The following SLC18A1 variants were observed in gnomAD, a reference collection of about 807,000 sequenced individuals.
SLC18A1 encodes the protein chromaffin granule amine transporter.
In SLC18A1, 69 loss-of-function variants were observed where a neutral mutation model predicts 53.7. The ratio of observed to expected loss-of-function variants is 1.28; its 90% CI spans 1.06 to 1.57. The LOEUF (loss-of-function observed/expected upper bound fraction) is 1.57, where lower values mean the gene tolerates loss of function less well. SLC18A1 is among the 40% of genes most tolerant of loss of function. SLC18A1 has a pLI of 0.00. For missense variants in SLC18A1, 932 were observed against 668.1 expected (o/e 1.40, Z -4.35); for synonymous variants, 320 against 248.1 (o/e 1.29, Z -2.72).
At chr8:20,180,108 T>TTGTG (rs112531759) in intron 2 of SLC18A1, among the ~76,000 whole-genome samples, 8,922 of 146,036 alleles carry the variant, frequency 0.061, 536 homozygotes, top group African/African-American at 0.15. Flanking sequence ...AAGATTATAA[T>TTGTG]TGTGTGTGTG....
chr8:20,153,970 C>G lies in SLC18A1; in HGVS notation c.1016-3226G>C, dbSNP rs11985004. ...GGTGTTTGGGTCATGGGAATGAATC[C>G]CTCGTGAATGGCGTGGTGCTGTCCC... On this transcript the variant is annotated intron_variant, in intron 10 of 15. Coordinates refer to ENST00000276373, the MANE Select transcript of SLC18A1 (RefSeq NM_003053.4). Among the ~76,000 whole-genome samples, 1,061 of 152,116 alleles carry G rather than the reference C, an allele frequency of 7.0e-3. 15 individuals are homozygous for G. The highest frequency in any genetic ancestry group is 0.024 in the African/African-American group (1,015 of 41,494).
chr8:20,169,871 T>C (rs1188254408), intron 8 of SLC18A1, among the ~76,000 whole-genome samples: 2 of 152,156 alleles, frequency 1.3e-5, no homozygotes, highest in Non-Finnish European at 2.9e-5. Context: ...AGAGCAAGAC[T>C]CCGTCTCAAA....
intron 10 of SLC18A1, among the ~76,000 whole-genome samples, chr8:20,154,897 G>A (rs2071644564): frequency 6.6e-6 from 1 of 152,098 alleles, no homozygotes; most frequent in Non-Finnish European, 1.5e-5. Context: ...CTCCAGATCT[G>A]GCAGGGTGTC....
At chr8:20,150,815 A>G in intron 10 of SLC18A1, 71 bp from the exon 11 acceptor site, 1 of 1,338,552 alleles carries the variant, frequency 7.5e-7, no homozygotes, top group South Asian at 1.2e-5. Context: ...CTCGTACAAG[A>G]CACTGAAGTC....
At position 20,148,002 on chromosome 8, in the gene SLC18A1, C is replaced by T; in HGVS notation, c.1210+5G>A. On this transcript the variant is annotated splice_donor_5th_base_variant and intron_variant, in intron 13 of 15. Coordinates refer to ENST00000276373, the MANE Select transcript of SLC18A1 (RefSeq NM_003053.4). ...CTTATTGTTTTCTTTGAGGGCACTT[C>T]TTACCTATGGCAAGGCCAAGCCCTG... 1 of 1,613,998 alleles carries T rather than the reference C, an allele frequency of 6.2e-7. No homozygotes were observed. Among genetic ancestry groups the T allele is most frequent in the Non-Finnish European group, 8.5e-7 (1 of 1,179,948 alleles).
intron 10 of SLC18A1, among the ~76,000 whole-genome samples, chr8:20,163,254 C>G (rs1021589082): frequency 6.6e-6 from 1 of 152,102 alleles, no homozygotes; most frequent in Non-Finnish European, 1.5e-5. Flanking sequence ...TGATAATGGC[C>G]TTAATCCATT....
At chr8:20,174,578 C>T in intron 4 of SLC18A1, 134 bp from the exon 5 acceptor site, 1 of 631,694 alleles carries the variant, frequency 1.6e-6, no homozygotes, top group Non-Finnish European at 2.9e-6. Flanking sequence ...GATGACTGTT[C>T]CCTGTTTTTT....
intron 1 of SLC18A1, among the ~76,000 whole-genome samples, chr8:20,182,379 C>G (rs191826906): frequency 2.0e-3 from 308 of 152,210 alleles, no homozygotes; most frequent in African/African-American, 7.2e-3. Flanking sequence ...ACAGAAAATA[C>G]TATTACTATA....
At chr8:20,156,208 A>G (rs1379175854) in intron 10 of SLC18A1, among the ~76,000 whole-genome samples, 2 of 151,990 alleles carry the variant, frequency 1.3e-5, no homozygotes, top group Non-Finnish European at 2.9e-5. Flanking sequence ...TAACTTTTAG[A>G]GGAAACCTCA....
intron 10 of SLC18A1, among the ~76,000 whole-genome samples, chr8:20,161,368 ACAG>A (rs2071826119): frequency 1.3e-5 from 2 of 152,330 alleles, no homozygotes; most frequent in Admixed American, 1.3e-4. Flanking sequence ...AATAAAAATA[ACAG>A]TACAAGATAA....
At chr8:20,152,753 G>A (rs903856128) in intron 10 of SLC18A1, among the ~76,000 whole-genome samples, 1 of 152,196 alleles carries the variant, frequency 6.6e-6, no homozygotes, top group Non-Finnish European at 1.5e-5. Flanking sequence ...AGCCTTGGGG[G>A]ACTCCTATCT....
rs532050568 is a variant in SLC18A1 at position 20,174,178 on chromosome 8, G to T, written c.631+183C>A. On this transcript the variant is annotated intron_variant, in intron 5 of 15. Transcript: ENST00000276373. ...TCCTCCTGCCTTGGCTTCCCAAAGTGCAGGGGTTACAGGTGTGAGCCACTG... is the reference window on the plus strand; with the variant it reads ...TCCTCCTGCCTTGGCTTCCCAAAGTTCAGGGGTTACAGGTGTGAGCCACTG... 5.9e-5 allele frequency among the ~76,000 whole-genome samples: 9 copies of T among 152,168 alleles called. No homozygotes were observed. In the South Asian group the frequency reaches 1.9e-3, roughly 32 times the overall value.
intron 1 of SLC18A1, among the ~76,000 whole-genome samples, chr8:20,182,210 C>G (rs1351608338): frequency 1.3e-5 from 2 of 152,096 alleles, no homozygotes; most frequent in African/African-American, 4.8e-5. Flanking sequence ...CTACAAGGAA[C>G]CCATCCTACA....
At chr8:20,179,991 A>C (rs1466188627) in intron 2 of SLC18A1, among the ~76,000 whole-genome samples, 1 of 152,106 alleles carries the variant, frequency 6.6e-6, no homozygotes, top group Non-Finnish European at 1.5e-5. Flanking sequence ...TTGAATCCCA[A>C]CTCTGGCACC....
At chr8:20,152,898 G>C (rs1187811978) in intron 10 of SLC18A1, among the ~76,000 whole-genome samples, 3 of 152,166 alleles carry the variant, frequency 2.0e-5, no homozygotes, top group African/African-American at 7.2e-5. Flanking sequence ...TAATTAAAGA[G>C]AAGACTGGGA....
At position 20,150,719 on chromosome 8, in the gene SLC18A1, C is replaced by G; in HGVS notation, c.1041G>C (p.Val347=). The change falls in exon 11 of 16, where the codon GTG becomes GTC. Residue 347 remains valine, a synonymous_variant. Transcript: ENST00000276373. Reference sequence around the variant, plus strand: ...AGAGGTTGGTGCCAATGAGGTAGGACACACTGGCAGGCAAGAAAGCTAGAC... The same window carrying G: ...AGAGGTTGGTGCCAATGAGGTAGGAGACACTGGCAGGCAAGAAAGCTAGAC... ...QLGLAFLPAS[V]SYLIGTNLFG... 1 of 1,614,152 alleles carries G rather than the reference C, an allele frequency of 6.2e-7. No individual in the cohort carries two copies. The highest frequency in any genetic ancestry group is 8.5e-7 in the Non-Finnish European group (1 of 1,180,008).
rs748908867 is a variant in SLC18A1 at position 20,148,045 on chromosome 8, C to A, written c.1172G>T (p.Gly391Val). Residue 391 changes from glycine (G) to valine (V), a missense_variant, in exon 13 of 16, where the codon GGT (glycine) becomes GTT (valine). By Grantham distance (109) the Gly-to-Val change is moderately radical (BLOSUM62 -3). Transcript: ENST00000276373. The stretch of plus-strand genomic sequence containing the variant: ...AAGCCCTGCATTGGGGCCAATGAGA[C>A]CAAAAATATTGTGAGCCAGAGGAAC... ...LCVPLAHNIF[G>V]LIGPNAGLGL... 1.2e-6 allele frequency: 2 copies of A among 1,614,042 alleles called. No homozygotes were observed. The highest frequency in any genetic ancestry group is 4.5e-5 in the East Asian group (2 of 44,876).
At chr8:20,153,645 C>T (rs756417601) in intron 10 of SLC18A1, among the ~76,000 whole-genome samples, 2 of 149,544 alleles carry the variant, frequency 1.3e-5, no homozygotes, top group Non-Finnish European at 3.0e-5. Context: ...CCAGCCTGGG[C>T]GACAGAGCAA....
intron 10 of SLC18A1, 47 bp downstream of exon 10, chr8:20,164,822 C>T (rs1446166680): frequency 6.9e-7 from 1 of 1,455,040 alleles, no homozygotes; most frequent in African/African-American, 1.4e-5. Context: ...CTCATGGCAC[C>T]CACCTCCTCC....
Sources: allele counts gnomAD v4.1 joint callset (sites outside exome capture counted in the v4.1 genomes callset), GRCh38; gene constraint gnomAD v4.1.1; transcripts MANE v1.5; gene names NCBI Gene and HGNC (gene_info 2026-07-23, HGNC 2026-07-21).